Variants in GPR39 observed in about 807,000 individuals in gnomAD.
The protein encoded by GPR39 is zinc sensing receptor.
Under a neutral mutation model 18.4 loss-of-function variants are expected in GPR39, and 23 were observed. The observed-to-expected ratio is 1.25, with a 90% confidence interval of 0.90 to 1.77. The LOEUF is 1.77. Among genes scored for constraint, GPR39 ranks in the 40% most tolerant of loss-of-function variants. The pLI, the probability that GPR39 is intolerant of heterozygous loss-of-function variation, is 0.00. For synonymous variants in GPR39, 280 were observed against 257.9 expected (o/e 1.09, Z -0.82); for missense variants, 647 against 602.4 (o/e 1.07, Z -0.78).
rs1454974621 is a variant in GPR39 at position 132,495,352 on chromosome 2, G to T, written c.856+77454G>T. Among the ~76,000 whole-genome samples the T allele has an allele frequency of 2.0e-5, 3 of 152,166 alleles. No individual in the cohort carries two copies. In the East Asian group the frequency reaches 5.8e-4, roughly 29 times the overall value. ...TAGGTCCACCTTTGCTGGGAAGGAG[G>T]CACTAGCTGGAGTTTGGACGGTAGT... On this transcript the variant is annotated intron_variant, in intron 1 of 1. Coordinates refer to ENST00000329321, the MANE Select transcript of GPR39 (RefSeq NM_001508.3).
intron 1 of GPR39, among the ~76,000 whole-genome samples, chr2:132,615,788 A>AG (rs1681323361): frequency 6.6e-6 from 1 of 152,184 alleles, no homozygotes; most frequent in African/African-American, 2.4e-5. Context: ...GGCCAAGACT[A>AG]GGGTTAGGCA....
Position 132,445,116 on chromosome 2 carries a change from A to C in GPR39, c.856+27218A>C, listed in dbSNP as rs572895050. Among the ~76,000 whole-genome samples, 68 of 152,222 alleles carry C rather than the reference A, an allele frequency of 4.5e-4. No homozygotes were observed. The South Asian group carries it at 0.013, about 29-fold the overall frequency. The stretch of plus-strand genomic sequence containing the variant: ...ATCATTTAAAAATCATTCATGACTC[A>C]TCATCCTAACACACCTGTTTTTATT... On this transcript the variant is annotated intron_variant, in intron 1 of 1. Coordinates refer to ENST00000329321, the MANE Select transcript of GPR39 (RefSeq NM_001508.3).
At chr2:132,564,810 C>CTTTTTTCTT (rs1680317290) in intron 1 of GPR39, among the ~76,000 whole-genome samples, 2 of 95,440 alleles carry the variant, frequency 2.1e-5, no homozygotes, top group African/African-American at 3.9e-5. Flanking sequence ...TTTCTTTTTT[C>CTTTTTTCTT]TTTTTTTTTT....
chr2:132,451,658 A>G (rs2104771169), intron 1 of GPR39, among the ~76,000 whole-genome samples: 1 of 151,906 alleles, frequency 6.6e-6, no homozygotes, highest in East Asian at 1.9e-4. Flanking sequence ...ACTCTATTTC[A>G]CTTGTTTTAC....
chr2:132,525,991 A>G (rs986101925), intron 1 of GPR39, among the ~76,000 whole-genome samples: 1 of 152,174 alleles, frequency 6.6e-6, no homozygotes, highest in Non-Finnish European at 1.5e-5. Flanking sequence ...TGGCTTTTCT[A>G]GGAAAACAGA....
chr2:132,438,586 T>G (rs1489558390), intron 1 of GPR39, among the ~76,000 whole-genome samples: 22 of 151,086 alleles, frequency 1.5e-4, no homozygotes, highest in African/African-American at 4.6e-4. Flanking sequence ...TTTTTTTTTT[T>G]TTTTTTTTTT....
At chr2:132,446,274 C>G (rs1290841793) in intron 1 of GPR39, among the ~76,000 whole-genome samples, 2 of 152,224 alleles carry the variant, frequency 1.3e-5, no homozygotes, top group Non-Finnish European at 2.9e-5. Flanking sequence ...ATGTGCCAGG[C>G]ATGTGCTGGG....
At chr2:132,465,289 T>C (rs1680908141) in intron 1 of GPR39, among the ~76,000 whole-genome samples, 1 of 152,166 alleles carries the variant, frequency 6.6e-6, no homozygotes, top group Admixed American at 6.5e-5. Flanking sequence ...ACAGAGGAGT[T>C]CCCCTTTTCC....
rs574340257 is a variant in GPR39, at chr2:132,417,639, C to T, written c.597C>T (p.His199=). ...LTCNRSSTRH[H]EQPETSNMSI... ...GCAACCGCTCCAGCACCCGCCACCA[C>T]GAGCAGCCCGAGACCTCCAATATGT... Residue 199 remains histidine, a synonymous_variant, in exon 1 of 2, where the codon CAC becomes CAT. Transcript: ENST00000329321. 3 of 1,614,090 alleles carry T rather than the reference C, an allele frequency of 1.9e-6. No individual in the cohort carries two copies. The South Asian group carries it at 3.3e-5, about 18-fold the overall frequency.
intron 1 of GPR39, among the ~76,000 whole-genome samples, chr2:132,552,921 C>CACACATATATATAT (rs1558836993): frequency 9.1e-6 from 1 of 109,488 alleles, no homozygotes; most frequent in African/African-American, 3.3e-5. Flanking sequence ...TATATATACA[C>CACACATATATATAT]ACACACACAC....
intron 1 of GPR39, among the ~76,000 whole-genome samples, chr2:132,454,712 A>G (rs1680688405): frequency 6.6e-6 from 1 of 152,186 alleles, no homozygotes; most frequent in Non-Finnish European, 1.5e-5. Flanking sequence ...ATTTTGTCAA[A>G]GGCCTTTTCT....
At chr2:132,609,192 C>T (rs1484836596) in intron 1 of GPR39, among the ~76,000 whole-genome samples, 4 of 152,290 alleles carry the variant, frequency 2.6e-5, no homozygotes, top group African/African-American at 9.6e-5. Flanking sequence ...TGTACTCTGC[C>T]AGATGATAAG....
intron 1 of GPR39, among the ~76,000 whole-genome samples, chr2:132,534,284 A>G (rs1679700214): frequency 6.6e-6 from 1 of 151,258 alleles, no homozygotes; most frequent in African/African-American, 2.4e-5. Context: ...CAAAACCACT[A>G]TGAGATATCA....
intron 1 of GPR39, among the ~76,000 whole-genome samples, chr2:132,542,737 G>A (rs1679883021): frequency 6.6e-6 from 1 of 152,104 alleles, no homozygotes. Context: ...CAAGCTCCCA[G>A]TTGCCTCACT....
intron 1 of GPR39, among the ~76,000 whole-genome samples, chr2:132,590,052 A>T (rs558575840): frequency 1.3e-4 from 20 of 152,342 alleles, no homozygotes; most frequent in African/African-American, 4.8e-4. Context: ...ATTTCTTTTC[A>T]TATAGTAGAA....
chr2:132,622,679 A>T (rs1375514627), intron 1 of GPR39, among the ~76,000 whole-genome samples: 1 of 152,228 alleles, frequency 6.6e-6, no homozygotes, highest in Non-Finnish European at 1.5e-5. Flanking sequence ...GTGGCAATTG[A>T]TTGAAAGACT....
chr2:132,497,960 A>G (rs1048680719), intron 1 of GPR39, among the ~76,000 whole-genome samples: 16 of 152,204 alleles, frequency 1.1e-4, no homozygotes, highest in Non-Finnish European at 2.2e-4. Flanking sequence ...TCCCTGTAAA[A>G]GGCTCCAATC....
intron 1 of GPR39, among the ~76,000 whole-genome samples, chr2:132,641,286 G>A (rs967914856): frequency 1.4e-4 from 22 of 152,186 alleles, no homozygotes; most frequent in African/African-American, 5.1e-4. Flanking sequence ...CCTGTTCCTC[G>A]CTATAGCTGA....
chr2:132,646,194 G>T lies in GPR39; in HGVS notation c.*588G>T. 6 of 1,609,348 alleles carry T rather than the reference G, an allele frequency of 3.7e-6. No individual in the cohort carries two copies. The highest frequency in any genetic ancestry group is 5.1e-6 in the Non-Finnish European group (6 of 1,177,368). On this transcript the variant is annotated 3_prime_UTR_variant, in exon 2 of 2. Coordinates refer to ENST00000329321, the MANE Select transcript of GPR39 (RefSeq NM_001508.3). Reference sequence around the variant, plus strand: ...CAGCAGCTGATGCAAACTGAGTTCAGTTTCCCTGGGGAGCAGAAGGACTGG... The same window carrying T: ...CAGCAGCTGATGCAAACTGAGTTCATTTTCCCTGGGGAGCAGAAGGACTGG...
Sources: allele counts gnomAD v4.1 joint callset (sites outside exome capture counted in the v4.1 genomes callset), GRCh38; gene constraint gnomAD v4.1.1; transcripts MANE v1.5; gene names NCBI Gene and HGNC (gene_info 2026-07-23, HGNC 2026-07-21).